PPP1R12B: variants seen among roughly 807,000 people sequenced by gnomAD.
PPP1R12B encodes the protein myosin phosphatase target subunit 2.
A neutral mutation model predicts 126.1 loss-of-function variants in PPP1R12B; 76 were observed. The ratio of observed to expected loss-of-function variants is 0.60; its 90% CI spans 0.50 to 0.73. The LOEUF (loss-of-function observed/expected upper bound fraction) is 0.73, where lower values mean the gene tolerates loss of function less well. Ranked by LOEUF, PPP1R12B falls within the 30% of genes least tolerant of loss-of-function variation. The pLI is 0.00. For missense variants in PPP1R12B, 1,052 were observed against 1,205.1 expected, an observed-to-expected ratio of 0.87 and a Z score of 1.88; for synonymous variants, 356 against 434.7, an observed-to-expected ratio of 0.82 and a Z score of 2.25.
chr1:202,533,282 T>G (rs1021090892), intron 18 of PPP1R12B, among the ~76,000 whole-genome samples: 3 of 145,154 alleles, frequency 2.1e-5, no homozygotes, highest in African/African-American at 7.6e-5. Flanking sequence ...CTTGGTTTTT[T>G]GGGGGTATTT....
At position 202,486,006 on chromosome 1, in the gene PPP1R12B, C is replaced by T. The variant is rs3952140; in HGVS notation, c.1851-2527C>T. Among the ~76,000 whole-genome samples, 9 of 152,260 alleles carry T rather than the reference C, an allele frequency of 5.9e-5. No homozygotes were observed. In the East Asian group the frequency reaches 1.2e-3, roughly 20 times the overall value. ...AAGCCGTCCTCCCATCTCAGCCTCA[C>T]GAGTAGGTGGGACTACAGGCATGTG... On this transcript the variant is annotated intron_variant, in intron 13 of 23. Coordinates refer to ENST00000608999, the MANE Select transcript of PPP1R12B (RefSeq NM_002481.4).
intron 10 of PPP1R12B, chr1:202,439,169 G>A: frequency 6.3e-7 from 1 of 1,576,246 alleles, no homozygotes. Flanking sequence ...CAACCTGGCG[G>A]CCTCGCAGCT....
At chr1:202,456,031 G>A (rs1381392976) in intron 13 of PPP1R12B, among the ~76,000 whole-genome samples, 1 of 152,124 alleles carries the variant, frequency 6.6e-6, no homozygotes, top group Non-Finnish European at 1.5e-5. Context: ...CACTTTGGGA[G>A]GCTGAGGGGG....
At chr1:202,457,323 G>T (rs1181874434) in intron 13 of PPP1R12B, among the ~76,000 whole-genome samples, 1 of 152,130 alleles carries the variant, frequency 6.6e-6, no homozygotes, top group Non-Finnish European at 1.5e-5. Context: ...GCCGAGGCGG[G>T]TGGACTGCTT....
rs1252193045 is a variant in PPP1R12B, at chr1:202,589,855, T to C, written c.*9295T>C. 9 of 152,286 alleles carry C rather than the reference T, an allele frequency of 5.9e-5. No homozygotes were observed. The highest frequency in any genetic ancestry group is 4.6e-4 in the Admixed American group (7 of 15,284). The allele number at this position is 152,286 out of a possible 1,614,324, so 9.4% of individuals were successfully genotyped here. A position where few individuals can be genotyped will look rare whatever the true frequency, so the allele number is the denominator to read the frequency against. ...TCCCTGCTTGCATTCACTGCCCCCA[T>C]GCCTTTGGACCTGATGGACAAGCAC... is the stretch of plus-strand genomic sequence containing the variant. On this transcript the variant is annotated 3_prime_UTR_variant, in exon 24 of 24. Coordinates refer to ENST00000608999, the MANE Select transcript of PPP1R12B (RefSeq NM_002481.4).
chr1:202,408,681 T>G (rs1009021451), intron 1 of PPP1R12B, among the ~76,000 whole-genome samples: 1 of 152,152 alleles, frequency 6.6e-6, no homozygotes. Context: ...CCCTCTGGTA[T>G]ATATACATTG....
intron 18 of PPP1R12B, among the ~76,000 whole-genome samples, chr1:202,542,040 A>G (rs1685180587): frequency 6.6e-6 from 1 of 152,192 alleles, no homozygotes; most frequent in Non-Finnish European, 1.5e-5. Flanking sequence ...GTTGATTTTC[A>G]TATACCACTC....
intron 1 of PPP1R12B, among the ~76,000 whole-genome samples, chr1:202,351,486 G>C (rs1238028563): frequency 3.9e-5 from 6 of 152,052 alleles, no homozygotes; most frequent in African/African-American, 1.2e-4. Context: ...TGATCTGCCT[G>C]CCTCGGCCTC....
At chr1:202,445,257 C>A in intron 12 of PPP1R12B, 1 of 1,236,114 alleles carries the variant, frequency 8.1e-7, no homozygotes, top group Non-Finnish European at 1.0e-6. Flanking sequence ...ATTTGAGTTG[C>A]ATTCATCAAA....
rs958039270 is a variant in PPP1R12B, at chr1:202,348,744, G to C, written c.-108G>C. ...TAAAGATGGCGGCGCGAGGGTCTCC[G>C]CCCTCTGCTCCGGGCTGAAGCGCTC... On this transcript the variant is annotated 5_prime_UTR_variant, in exon 1 of 24. Transcript: ENST00000608999. 9 of 1,378,384 alleles carry C rather than the reference G, an allele frequency of 6.5e-6. No homozygotes were observed. Among genetic ancestry groups the C allele is most frequent in the African/African-American group, 2.9e-5 (2 of 67,838 alleles). 85.4% of individuals were successfully genotyped at this position (1,378,384 alleles called of 1,614,324 possible).
intron 1 of PPP1R12B, among the ~76,000 whole-genome samples, chr1:202,383,140 T>C (rs1410582115): frequency 6.6e-6 from 1 of 152,204 alleles, no homozygotes; most frequent in Non-Finnish European, 1.5e-5. Flanking sequence ...TCTAACTGCC[T>C]TAGGGTTTGG....
chr1:202,532,435 G>T (rs935834616), intron 18 of PPP1R12B, among the ~76,000 whole-genome samples: 1 of 152,182 alleles, frequency 6.6e-6, no homozygotes, highest in Non-Finnish European at 1.5e-5. Flanking sequence ...TACCCAGCCC[G>T]TATTCAAGAT....
chr1:202,430,107 A>G (rs932353265), intron 6 of PPP1R12B, among the ~76,000 whole-genome samples: 1 of 152,202 alleles, frequency 6.6e-6, no homozygotes, highest in African/African-American at 2.4e-5. Context: ...AATTTTAAAA[A>G]CTTTTACTGA....
chr1:202,432,140 G>A (rs1670261848), intron 8 of PPP1R12B, among the ~76,000 whole-genome samples: 1 of 152,056 alleles, frequency 6.6e-6, no homozygotes, highest in Non-Finnish European at 1.5e-5. Context: ...TTAATTCTCA[G>A]GTTTGTCTGA....
intron 1 of PPP1R12B, among the ~76,000 whole-genome samples, chr1:202,397,497 C>A (rs983980201): frequency 6.6e-6 from 1 of 152,110 alleles, no homozygotes; most frequent in African/African-American, 2.4e-5. Context: ...TCAAATAGAC[C>A]AGAAAAAATA....
intron 19 of PPP1R12B, among the ~76,000 whole-genome samples, chr1:202,560,388 C>G (rs763324085): frequency 1.3e-5 from 2 of 152,214 alleles, no homozygotes; most frequent in Non-Finnish European, 2.9e-5. Flanking sequence ...ACTCCATAGA[C>G]AGAGCAGCTG....
intron 1 of PPP1R12B, among the ~76,000 whole-genome samples, chr1:202,416,135 ACTTTC>A (rs748032138): frequency 6.6e-6 from 1 of 152,218 alleles, no homozygotes; most frequent in Non-Finnish European, 1.5e-5. Flanking sequence ...TTTGTAACAT[ACTTTC>A]CTTTTTATAA....
intron 23 of PPP1R12B, among the ~76,000 whole-genome samples, chr1:202,577,692 A>G (rs1689217105): frequency 6.6e-6 from 1 of 152,212 alleles, no homozygotes; most frequent in South Asian, 2.1e-4. Context: ...AAAGCAAGAC[A>G]GCTCATGCAA....
chr1:202,540,347 C>A, intron 18 of PPP1R12B: 2 of 915,478 alleles, frequency 2.2e-6, no homozygotes, highest in Non-Finnish European at 3.2e-6. Flanking sequence ...GATTTCAGAG[C>A]ATATGGGAAT....
Sources: gnomAD v4.1 joint callset for allele counts (sites outside exome capture counted in the v4.1 genomes callset) on GRCh38, gnomAD v4.1.1 for gene constraint, MANE v1.5 for transcripts, NCBI Gene and HGNC (gene_info 2026-07-23, HGNC 2026-07-21) for gene names.